The following COL4A6 variants were observed in gnomAD, a reference collection of about 807,000 sequenced individuals.
COL4A6 encodes collagen type IV alpha 6 chain, also known as collagen alpha-6(IV) chain.
A neutral mutation model predicts 126.7 loss-of-function variants in COL4A6; 59 were observed. That is an observed-to-expected ratio of 0.47 (90% CI 0.38 to 0.58). COL4A6 has a LOEUF of 0.58. Ranked by LOEUF, COL4A6 falls within the 20% of genes least tolerant of loss-of-function variation. The probability of loss-of-function intolerance (pLI) is 0.00; values close to 1 mark genes in which losing one functional copy is unlikely to be tolerated. For synonymous variants in COL4A6, 547 were observed against 496.6 expected (o/e 1.10, Z -1.35); for missense variants, 1,285 against 1,337.3 (o/e 0.96, Z 0.61).
intron 2 of COL4A6, among the ~76,000 whole-genome samples, chrX:108,368,545 C>T (rs1029237487): frequency 1.4e-4 from 15 of 110,706 alleles, no homozygotes; most frequent in Admixed American, 5.8e-4. Context: ...TTAGGCTACT[C>T]TAACTGTATA....
intron 2 of COL4A6, chrX:108,384,014 A>C (rs2040626835): frequency 2.4e-6 from 2 of 818,859 alleles, no homozygotes; most frequent in East Asian, 7.9e-5. Flanking sequence ...ATTGCATCTA[A>C]GTTTGGTTAC....
intron 2 of COL4A6, among the ~76,000 whole-genome samples, chrX:108,380,675 A>G (rs139639487): frequency 8.9e-6 from 1 of 112,455 alleles, no homozygotes; most frequent in African/African-American, 3.2e-5. Context: ...CAACACTGTT[A>G]CTTACTCAGT....
intron 2 of COL4A6, among the ~76,000 whole-genome samples, chrX:108,434,910 C>A (rs1221284043): frequency 9.1e-6 from 1 of 110,159 alleles, no homozygotes; most frequent in African/African-American, 3.3e-5. Flanking sequence ...GAGACACAGC[C>A]CCAGATAATG....
intron 39 of COL4A6, 77 bp from the exon 40 acceptor site, chrX:108,164,775 G>T: frequency 8.5e-7 from 1 of 1,179,358 alleles, no homozygotes; most frequent in Non-Finnish European, 1.2e-6. Flanking sequence ...CAGGGGTGAG[G>T]TAGGGAAGAA....
chrX:108,414,154 T>C (rs1177608174), intron 2 of COL4A6, among the ~76,000 whole-genome samples: 1 of 112,176 alleles, frequency 8.9e-6, no homozygotes, highest in Non-Finnish European at 1.9e-5. Flanking sequence ...CTTTAATCAA[T>C]TTCAGAGGAA....
At chrX:108,214,317 AT>A in intron 5 of COL4A6, 89 bp from the exon 6 acceptor site, 1 of 624,233 alleles carries the variant, frequency 1.6e-6, no homozygotes, top group Non-Finnish European at 2.6e-6. Flanking sequence ...CAAGCATGCT[AT>A]TAAACTGTGG....
At chrX:108,206,213 G>A (rs1166473021) in intron 9 of COL4A6, among the ~76,000 whole-genome samples, 1 of 111,543 alleles carries the variant, frequency 9.0e-6, no homozygotes, top group Non-Finnish European at 1.9e-5. Context: ...AGCAATACCT[G>A]TCATGGGTGA....
intron 2 of COL4A6, among the ~76,000 whole-genome samples, chrX:108,382,715 G>A (rs993433240): frequency 4.5e-5 from 5 of 110,178 alleles, no homozygotes; most frequent in African/African-American, 9.9e-5. Flanking sequence ...GGCAGGCAGA[G>A]GTGGGTGGAT....
chrX:108,193,621 G>A lies in COL4A6; in HGVS notation c.1072+7C>T, dbSNP rs200383899. 6 of 1,192,884 alleles carry A rather than the reference G, an allele frequency of 5.0e-6. No homozygotes were observed. In the African/African-American group the frequency reaches 7.0e-5, roughly 14 times the overall value. Reference sequence around the variant, plus strand: ...TATTTTCCACTCAAATTAATGAGAAGTTGCACCTGAGATCACAGCACCATC... The same window carrying A: ...TATTTTCCACTCAAATTAATGAGAAATTGCACCTGAGATCACAGCACCATC... On this transcript the variant is annotated splice_region_variant and intron_variant, in intron 17 of 44. Transcript: ENST00000334504.
chrX:108,307,997 C>A (rs1308895108), intron 3 of COL4A6, among the ~76,000 whole-genome samples: 6 of 112,155 alleles, frequency 5.3e-5, no homozygotes, highest in Admixed American at 4.7e-4. Context: ...GTAACTTTGA[C>A]AAACATTCTT....
chrX:108,394,754 A>G (rs1021090024), intron 2 of COL4A6, among the ~76,000 whole-genome samples: 4 of 112,122 alleles, frequency 3.6e-5, no homozygotes. Flanking sequence ...GCTACTAGCA[A>G]CAATCTTACA....
intron 3 of COL4A6, among the ~76,000 whole-genome samples, chrX:108,302,711 G>A (rs1256516129): frequency 9.0e-6 from 1 of 110,608 alleles, no homozygotes; most frequent in Non-Finnish European, 1.9e-5. Context: ...CCATCTTGTG[G>A]AGCCCCCACT....
intron 3 of COL4A6, among the ~76,000 whole-genome samples, chrX:108,304,819 A>T (rs1428674082): frequency 1.8e-5 from 2 of 111,913 alleles, no homozygotes; most frequent in African/African-American, 6.5e-5. Context: ...GCTAAAGAAG[A>T]TGTGAAAATG....
At chrX:108,161,196 A>T (rs1002429378) in intron 42 of COL4A6, among the ~76,000 whole-genome samples, 1 of 111,417 alleles carries the variant, frequency 9.0e-6, no homozygotes, top group Non-Finnish European at 1.9e-5. Context: ...GTCATCCCCA[A>T]TATAAAGTGG....
intron 31 of COL4A6, 143 bp downstream of exon 31, chrX:108,174,297 T>A (rs1290179661): frequency 3.6e-6 from 2 of 561,984 alleles, no homozygotes; most frequent in Non-Finnish European, 5.8e-6. Context: ...CCTGTCAGAC[T>A]CAAGGAGAGA....
At chrX:108,393,062 G>A (rs947029314) in intron 2 of COL4A6, among the ~76,000 whole-genome samples, 2 of 111,721 alleles carry the variant, frequency 1.8e-5, no homozygotes, top group Non-Finnish European at 3.8e-5. Context: ...CAGCCATTTT[G>A]AAAAATAGCC....
At chrX:108,281,590 A>G (rs990448156) in intron 3 of COL4A6, among the ~76,000 whole-genome samples, 2 of 111,889 alleles carry the variant, frequency 1.8e-5, no homozygotes, top group East Asian at 5.6e-4. Flanking sequence ...TTATAGATTC[A>G]ATGCCATCCC....
At chrX:108,382,196 A>G (rs2040573224) in intron 2 of COL4A6, among the ~76,000 whole-genome samples, 1 of 111,312 alleles carries the variant, frequency 9.0e-6, no homozygotes, top group Non-Finnish European at 1.9e-5. Flanking sequence ...CCCCAATACA[A>G]ATATACCATT....
chrX:108,346,719 C>A (rs897869792), intron 2 of COL4A6, among the ~76,000 whole-genome samples: 3 of 112,448 alleles, frequency 2.7e-5, no homozygotes, highest in Non-Finnish European at 5.6e-5. Flanking sequence ...AGCCACCAAA[C>A]TTCTAAATAA....
Sources: gnomAD v4.1 joint callset for allele counts (sites outside exome capture counted in the v4.1 genomes callset) on GRCh38, gnomAD v4.1.1 for gene constraint, MANE v1.5 for transcripts, NCBI Gene and HGNC (gene_info 2026-07-23, HGNC 2026-07-21) for gene names.